Variants in SLC25A26 observed in about 807,000 individuals in gnomAD.
SLC25A26 encodes solute carrier family 25 member 26.
In SLC25A26, 36 loss-of-function variants were observed where a neutral mutation model predicts 37.8. The observed-to-expected ratio is 0.95, with a 90% CI of 0.73 to 1.26. The LOEUF is 1.26. Ranked by LOEUF, SLC25A26 falls within the 50% of genes most tolerant of loss-of-function variation. The pLI is 0.00. For synonymous variants in SLC25A26, 129 were observed against 122.5 expected (o/e 1.05, Z -0.35); for missense variants, 390 against 331.1 (o/e 1.18, Z -1.38).
chr3:66,292,057 CCTT>C (rs1277785285), intron 5 of SLC25A26, among the ~76,000 whole-genome samples: 1 of 151,968 alleles, frequency 6.6e-6, no homozygotes, highest in African/African-American at 2.4e-5. Flanking sequence ...TACATAATGC[CCTT>C]CTTTGTCTTT....
intron 1 of SLC25A26, among the ~76,000 whole-genome samples, chr3:66,172,761 G>C (rs1316910801): frequency 6.6e-6 from 1 of 152,088 alleles, no homozygotes; most frequent in South Asian, 2.1e-4. Flanking sequence ...GCAATTTTTG[G>C]TGTTCCCTCA....
intron 6 of SLC25A26, among the ~76,000 whole-genome samples, chr3:66,355,204 A>G (rs1037998892): frequency 2.0e-5 from 3 of 152,072 alleles, no homozygotes; most frequent in African/African-American, 4.8e-5. Context: ...AGAATAATCA[A>G]TGTCTTTGCC....
chr3:66,201,872 A>G (rs1160870080), intron 1 of SLC25A26, among the ~76,000 whole-genome samples: 1 of 152,230 alleles, frequency 6.6e-6, no homozygotes, highest in Non-Finnish European at 1.5e-5. Flanking sequence ...TTAAACTACC[A>G]AAACCTAAGA....
At chr3:66,147,385 A>C (rs1035237115) in intron 1 of SLC25A26, among the ~76,000 whole-genome samples, 3 of 151,040 alleles carry the variant, frequency 2.0e-5, no homozygotes, top group African/African-American at 7.3e-5. Context: ...CTGGTCTCGA[A>C]CTCCTGGCTT....
chr3:66,259,597 A>G (rs969585838), intron 3 of SLC25A26, among the ~76,000 whole-genome samples: 8 of 151,984 alleles, frequency 5.3e-5, no homozygotes, highest in Non-Finnish European at 8.8e-5. Context: ...GGTCCGGTGC[A>G]TTTTACTCCT....
intron 5 of SLC25A26, among the ~76,000 whole-genome samples, chr3:66,283,497 G>A (rs1423807016): frequency 6.6e-6 from 1 of 152,086 alleles, no homozygotes; most frequent in African/African-American, 2.4e-5. Context: ...GCCCAGGCTG[G>A]TCTCAAACTC....
intron 9 of SLC25A26, among the ~76,000 whole-genome samples, chr3:66,374,878 C>CA (rs56225849): frequency 0.14 from 19,875 of 146,570 alleles, 4,200 homozygotes; most frequent in African/African-American, 0.46. Context: ...GACCCTATCT[C>CA]AAAAAAAAAA....
At chr3:66,190,157 T>C (rs2070909573) in intron 1 of SLC25A26, among the ~76,000 whole-genome samples, 1 of 151,884 alleles carries the variant, frequency 6.6e-6, no homozygotes, top group South Asian at 2.1e-4. Flanking sequence ...AAAAACTAAT[T>C]TTAAAAAATT....
At chr3:66,183,973 C>G (rs1320181451) in intron 1 of SLC25A26, among the ~76,000 whole-genome samples, 1 of 152,106 alleles carries the variant, frequency 6.6e-6, no homozygotes. Context: ...TTTTCATTCT[C>G]ACACTGGTGT....
At chr3:66,284,883 A>G (rs2074459187) in intron 5 of SLC25A26, among the ~76,000 whole-genome samples, 1 of 152,222 alleles carries the variant, frequency 6.6e-6, no homozygotes. Flanking sequence ...CTATTTTGTT[A>G]CCATTTTGTA....
intron 1 of SLC25A26, among the ~76,000 whole-genome samples, chr3:66,151,056 G>A (rs2070201181): frequency 6.6e-6 from 1 of 152,028 alleles, no homozygotes; most frequent in Non-Finnish European, 1.5e-5. Flanking sequence ...CTACAGACAA[G>A]GAAGCTGAGC....
At chr3:66,308,785 G>A (rs2075297738) in intron 5 of SLC25A26, among the ~76,000 whole-genome samples, 1 of 152,176 alleles carries the variant, frequency 6.6e-6, no homozygotes, top group South Asian at 2.1e-4. Context: ...TGCATCTGTT[G>A]AGATAATCAT....
intron 1 of SLC25A26, among the ~76,000 whole-genome samples, chr3:66,222,318 C>G (rs1553658853): frequency 6.6e-6 from 1 of 151,860 alleles, no homozygotes; most frequent in African/African-American, 2.4e-5. Context: ...GTAGCTGGGA[C>G]TGCAGGTGCC....
chr3:66,227,778 C>T lies in SLC25A26; in HGVS notation c.33+6651C>T, dbSNP rs143373316. On this transcript the variant is annotated intron_variant, in intron 1 of 9. Coordinates refer to ENST00000354883, the MANE Select transcript of SLC25A26 (RefSeq NM_001379210.1). ...ACTGGACCTGCCCTTCTGCTGAGAA[C>T]CACCTTACAGGCAGTAGGATACTTG... Among the ~76,000 whole-genome samples, 762 of 152,256 alleles carry T rather than the reference C, an allele frequency of 5.0e-3. 7 individuals are homozygous for T. Among genetic ancestry groups the T allele is most frequent in the African/African-American group, 0.016 (665 of 41,552 alleles).
intron 1 of SLC25A26, among the ~76,000 whole-genome samples, chr3:66,192,337 AG>A (rs2070961512): frequency 2.9e-5 from 4 of 139,336 alleles, no homozygotes; most frequent in South Asian, 2.3e-4. Context: ...AAAAAAAAAG[AG>A]AGAGAAATTG....
At chr3:66,343,444 G>C (rs979060110) in intron 5 of SLC25A26, among the ~76,000 whole-genome samples, 7 of 152,098 alleles carry the variant, frequency 4.6e-5, no homozygotes, top group African/African-American at 1.4e-4. Flanking sequence ...AGTAAAGCTG[G>C]GGTTTACTGT....
rs139071338 is a variant in SLC25A26, at chr3:66,262,117, A to G, written c.367A>G (p.Arg123Gly). 1.8e-4 allele frequency: 288 copies of G among 1,577,870 alleles called. No individual in the cohort carries two copies. The highest frequency in any genetic ancestry group is 2.3e-4 in the Non-Finnish European group (269 of 1,160,494). The change falls in exon 4 of 10, where the codon AGA (arginine) becomes GGA (glycine). Residue 123 changes from arginine (R) to glycine (G), a missense_variant. Transcript: ENST00000354883. Reference protein sequence around the residue: ...KQRAQVSASTRTFQIFSNILY... With the variant: ...KQRAQVSASTGTFQIFSNILY... ...GAGGGCACAGGTATCTGCTTCTACA[A>G]GAACATTTCAGATTTTCTCTAACAT...
intron 1 of SLC25A26, among the ~76,000 whole-genome samples, chr3:66,151,422 C>G (rs2070206868): frequency 6.6e-6 from 1 of 152,146 alleles, no homozygotes. Context: ...ACGAGCTGGG[C>G]CATGCTAGCA....
intron 1 of SLC25A26, among the ~76,000 whole-genome samples, chr3:66,136,875 G>C (rs1353139128): frequency 6.6e-6 from 1 of 152,190 alleles, no homozygotes. Context: ...ATACTTGCTA[G>C]TCTCCCTTTC....
Sources: allele counts gnomAD v4.1 joint callset (sites outside exome capture counted in the v4.1 genomes callset), GRCh38; gene constraint gnomAD v4.1.1; transcripts MANE v1.5; gene names NCBI Gene and HGNC (gene_info 2026-07-23, HGNC 2026-07-21).